Variants in KLHL13 observed in about 807,000 individuals in gnomAD.
The protein encoded by KLHL13 is kelch-like protein 13.
In KLHL13, 10 loss-of-function variants were observed where a neutral mutation model predicts 37.1. That is an observed-to-expected ratio of 0.27 (90% CI 0.17 to 0.46). The LOEUF (loss-of-function observed/expected upper bound fraction) is 0.46, where lower values mean the gene tolerates loss of function less well. Ranked by LOEUF, KLHL13 falls within the 20% of genes least tolerant of loss-of-function variation. KLHL13 has a pLI of 1.00. For synonymous variants in KLHL13, 163 were observed against 181.2 expected, an observed-to-expected ratio of 0.90 and a Z score of 0.81; for missense variants, 360 against 509.3, an observed-to-expected ratio of 0.71 and a Z score of 2.82.
At chrX:117,989,581 T>A (rs1388404000) in intron 1 of KLHL13, among the ~76,000 whole-genome samples, 4 of 110,771 alleles carry the variant, frequency 3.6e-5, no homozygotes, top group Non-Finnish European at 7.6e-5. Flanking sequence ...ACATAAATGA[T>A]CAACCTATAC....
chrX:118,051,173 G>A (rs1310588500), intron 1 of KLHL13, among the ~76,000 whole-genome samples: 2 of 108,684 alleles, frequency 1.8e-5, no homozygotes, highest in African/African-American at 6.7e-5. Flanking sequence ...CCACCTACCT[G>A]AGAGCAGCAA....
intron 1 of KLHL13, among the ~76,000 whole-genome samples, chrX:118,022,729 G>T (rs771746928): frequency 1.8e-5 from 2 of 112,116 alleles, no homozygotes; most frequent in East Asian, 5.6e-4. Context: ...GTTATGTTAA[G>T]ATATTAACCC....
At chrX:118,076,131 C>T (rs756598426) in intron 1 of KLHL13, among the ~76,000 whole-genome samples, 1 of 111,039 alleles carries the variant, frequency 9.0e-6, no homozygotes, top group South Asian at 3.8e-4. Flanking sequence ...AGTTTTTGTC[C>T]CTTCTATTTC....
At chrX:118,000,198 T>G (rs1054509961) in intron 1 of KLHL13, among the ~76,000 whole-genome samples, 2 of 111,351 alleles carry the variant, frequency 1.8e-5, no homozygotes, top group Non-Finnish European at 3.8e-5. Context: ...ACTAATCTAT[T>G]TGGCCAAACA....
At chrX:117,985,425 G>T in intron 1 of KLHL13, 1 of 792,806 alleles carries the variant, frequency 1.3e-6, no homozygotes, top group Non-Finnish European at 1.6e-6. Flanking sequence ...GCTCCCAAAA[G>T]CAGAAACAGG....
At chrX:118,031,831 G>A (rs1182767375) in intron 1 of KLHL13, among the ~76,000 whole-genome samples, 3 of 108,140 alleles carry the variant, frequency 2.8e-5, no homozygotes, top group Non-Finnish European at 3.8e-5. Flanking sequence ...CTGAGGTACC[G>A]GGTTCATCTC....
exon 5 of KLHL13, chrX:117,909,927 T>C: frequency 8.3e-7 from 1 of 1,211,557 alleles, no homozygotes; most frequent in Non-Finnish European, 1.1e-6. Context: ...CTTAAGGCTA[T>C]TACTGGAAAG....
intron 1 of KLHL13, among the ~76,000 whole-genome samples, chrX:118,034,389 A>G (rs1435172003): frequency 3.3e-5 from 3 of 90,591 alleles, no homozygotes; most frequent in Non-Finnish European, 6.2e-5. Flanking sequence ...ATAACAAACT[A>G]TCTCTCAGAC....
chrX:118,033,775 A>C (rs1183367759), intron 1 of KLHL13, among the ~76,000 whole-genome samples: 1 of 110,694 alleles, frequency 9.0e-6, no homozygotes, highest in African/African-American at 3.3e-5. Flanking sequence ...TAAATGCTCC[A>C]ATTAAAAGAC....
At position 117,913,345 on chromosome X, in the gene KLHL13, C is replaced by T. The variant is rs769650091; in HGVS notation, c.571-3249G>A. Among the ~76,000 whole-genome samples the T allele has an allele frequency of 1.3e-3, 146 of 111,637 alleles. 1 individual carries two copies. The highest frequency in any genetic ancestry group is 3.5e-3 in the African/African-American group (108 of 30,781). On this transcript the variant is annotated intron_variant, in intron 4 of 6. Coordinates refer to ENST00000262820, the Ensembl canonical transcript of KLHL13. ...GGATATCCATAAATGGATAATTGGA[C>T]TTATAATGCAATTTACATATATAAT...
chrX:118,102,901 A>G (rs1305569585), intron 1 of KLHL13, among the ~76,000 whole-genome samples: 1 of 112,106 alleles, frequency 8.9e-6, no homozygotes, highest in East Asian at 2.8e-4. Context: ...ATGATATACC[A>G]AGTCACAGAA....
intron 2 of KLHL13, among the ~76,000 whole-genome samples, chrX:117,944,740 G>T (rs1037742485): frequency 1.3e-4 from 14 of 111,601 alleles, no homozygotes; most frequent in African/African-American, 4.6e-4. Context: ...ATTCAGCAAT[G>T]CCCACAGAAG....
At chrX:118,078,556 C>T (rs2054953380) in intron 1 of KLHL13, among the ~76,000 whole-genome samples, 2 of 111,312 alleles carry the variant, frequency 1.8e-5, no homozygotes. Context: ...AGCATTAACG[C>T]CTTTGAGATT....
intron 1 of KLHL13, among the ~76,000 whole-genome samples, chrX:118,097,012 C>T (rs1293479404): frequency 3.1e-4 from 35 of 111,216 alleles, no homozygotes; most frequent in African/African-American, 1.1e-3. Flanking sequence ...CCTTTGAAAA[C>T]GGGCACAAGA....
rs1461702943 is a variant in KLHL13, at chrX:117,943,863, T to C, written c.240+1571A>G. Among the ~76,000 whole-genome samples the C allele has an allele frequency of 1.1e-4, 12 of 110,731 alleles. No individual in the cohort carries two copies. In the Admixed American group the frequency reaches 1.2e-3, roughly 11 times the overall value. Reference sequence around the variant, plus strand: ...AAACTCATTCTCTGTCCACTTTTGTTCCTTTGCTGGCGAGGAGTTGTGATC... The same window carrying C: ...AAACTCATTCTCTGTCCACTTTTGTCCCTTTGCTGGCGAGGAGTTGTGATC... On this transcript the variant is annotated intron_variant, in intron 2 of 6. Coordinates refer to ENST00000262820, the Ensembl canonical transcript of KLHL13.
intron 1 of KLHL13, among the ~76,000 whole-genome samples, chrX:118,052,216 G>A (rs1011531568): frequency 9.9e-5 from 11 of 110,760 alleles, no homozygotes; most frequent in Non-Finnish European, 1.9e-4. Flanking sequence ...TGAAAAAATC[G>A]TAAAAGAAGT....
intron 5 of KLHL13, among the ~76,000 whole-genome samples, chrX:117,903,150 A>ACACACG (rs1433158423): frequency 9.8e-6 from 1 of 101,917 alleles, no homozygotes; most frequent in Non-Finnish European, 2.0e-5. Flanking sequence ...ACACACACAC[A>ACACACG]CACACACAGA....
chrX:117,915,669 A>G (rs773285171), intron 4 of KLHL13, among the ~76,000 whole-genome samples: 4 of 112,369 alleles, frequency 3.6e-5, no homozygotes, highest in African/African-American at 1.3e-4. Context: ...TTCATTCTAT[A>G]TATTTGTATA....
chrX:118,056,102 T>TA (rs1335992693), intron 1 of KLHL13, among the ~76,000 whole-genome samples: 4 of 111,118 alleles, frequency 3.6e-5, no homozygotes, highest in African/African-American at 9.8e-5. Context: ...CTATTAGAAG[T>TA]AAAAAAATGA....
Sources: gnomAD v4.1 joint callset for allele counts (sites outside exome capture counted in the v4.1 genomes callset) on GRCh38, gnomAD v4.1.1 for gene constraint, MANE v1.5 for transcripts, NCBI Gene and HGNC (gene_info 2026-07-23, HGNC 2026-07-21) for gene names.